The following PPFIA3 variants were observed in gnomAD, a reference collection of about 807,000 sequenced individuals.
PPFIA3 encodes the protein PPFI scaffold protein A3, also known as liprin-alpha-3.
Under a neutral mutation model 145.8 loss-of-function variants are expected in PPFIA3, and 26 were observed. The observed-to-expected ratio is 0.18, with a 90% CI of 0.13 to 0.25. PPFIA3 has a LOEUF of 0.25. Among genes scored for constraint, PPFIA3 ranks in the 10% least tolerant of loss-of-function variants. The probability of loss-of-function intolerance (pLI) is 1.00; values close to 1 mark genes in which losing one functional copy is unlikely to be tolerated. For missense variants in PPFIA3, 1,008 were observed against 1,587.8 expected, an observed-to-expected ratio of 0.63 and a Z score of 6.21; for synonymous variants, 645 against 661.4, an observed-to-expected ratio of 0.98 and a Z score of 0.38.
intron 1 of PPFIA3, among the ~76,000 whole-genome samples, 183 bp downstream of exon 1, chr19:49,119,905 C>A (rs941758991): frequency 6.6e-6 from 1 of 151,848 alleles, no homozygotes; most frequent in African/African-American, 2.4e-5. Flanking sequence ...CCCGACCGAA[C>A]CCTAGAATCC....
At chr19:49,121,918 T>C (rs544946187) in intron 1 of PPFIA3, among the ~76,000 whole-genome samples, 63 of 151,788 alleles carry the variant, frequency 4.2e-4, no homozygotes, top group African/African-American at 1.4e-3. Context: ...ATTACAGGCA[T>C]GGCCATCGCG....
At position 49,134,162 on chromosome 19, in the gene PPFIA3, G is replaced by A. The variant is rs1184277028; in HGVS notation, c.1374G>A (p.Glu458=). 1.2e-6 allele frequency: 2 copies of A among 1,609,102 alleles called. No individual in the cohort carries two copies. The highest frequency in any genetic ancestry group is 2.2e-5 in the South Asian group (2 of 90,560). The change falls in exon 11 of 30, where the codon GAG becomes GAA. Residue 458 remains glutamate, a synonymous_variant. Transcript: ENST00000334186. ...HLKERMGALE[E]KNSLSEEIAN... ...AGGAGCGCATGGGGGCGCTGGAGGAGAAGGTGCGCCCCCCATACAGGACTG... is the reference window on the plus strand; with the variant it reads ...AGGAGCGCATGGGGGCGCTGGAGGAAAAGGTGCGCCCCCCATACAGGACTG...
chr19:49,138,518 C>A, intron 16 of PPFIA3, 91 bp downstream of exon 16: 1 of 1,128,590 alleles, frequency 8.9e-7, no homozygotes, highest in Non-Finnish European at 1.2e-6. Flanking sequence ...TAACCCCTCA[C>A]ACCAGTGGTT....
In PPFIA3 at chr19:49,149,895, T is replaced by C. The variant is rs926015422; in HGVS notation, c.3526+177T>C. 3.6e-6 allele frequency: 4 copies of C among 1,098,784 alleles called. No homozygotes were observed. Among genetic ancestry groups the C allele is most frequent in the African/African-American group, 1.6e-5 (1 of 63,504 alleles). The allele number at this position is 1,098,784 out of a possible 1,614,324, so 68.1% of individuals were successfully genotyped here. On this transcript the variant is annotated intron_variant, in intron 28 of 29. Coordinates refer to ENST00000334186, the MANE Select transcript of PPFIA3 (RefSeq NM_003660.4). This position sits in a 1 kb window ranked among gnomAD's most constrained non-coding sequence, Gnocchi z 5.7. ...TGAAATGGATAAATCCCACTCCCCC[T>C]TCCCAGGGCGGGAGTGAACTCGCCC...
At chr19:49,132,557 G>A (rs1200749380) in intron 7 of PPFIA3, among the ~76,000 whole-genome samples, 1 of 152,072 alleles carries the variant, frequency 6.6e-6, no homozygotes, top group East Asian at 1.9e-4. Flanking sequence ...TTCTTTTGGG[G>A]TTCTAGGCCT....
chr19:49,136,414 T>A (rs1309450449), intron 14 of PPFIA3, among the ~76,000 whole-genome samples: 4 of 152,022 alleles, frequency 2.6e-5, no homozygotes, highest in African/African-American at 4.8e-5. Context: ...CTTGCCAAAA[T>A]GGCATCGCTA....
chr19:49,131,571 A>G (rs2041073256), intron 7 of PPFIA3, among the ~76,000 whole-genome samples: 1 of 151,896 alleles, frequency 6.6e-6, no homozygotes, highest in African/African-American at 2.4e-5. Context: ...CTGCTGGGAA[A>G]TGTGGACCTG....
At position 49,134,683 on chromosome 19, in the gene PPFIA3, T is replaced by A; in HGVS notation, c.1422T>A (p.Asp474Glu). Residue 474 changes from aspartate to glutamate, a missense_variant, in exon 12 of 30, where the codon GAT becomes GAA. Physicochemically the swap from Asp to Glu is conservative, Grantham distance 45 (BLOSUM62 2). Transcript: ENST00000334186. ...EEIANMKKLQ[D>E]ELLLNKEQLL... ...TAGCCAACATGAAGAAGCTTCAGGATGAGTTGCTGCTAAACAAGGTAGGGG... is the reference window on the plus strand; with the variant it reads ...TAGCCAACATGAAGAAGCTTCAGGAAGAGTTGCTGCTAAACAAGGTAGGGG... The A allele has an allele frequency of 6.2e-7, 1 of 1,613,892 alleles. No individual in the cohort carries two copies. Among genetic ancestry groups the A allele is most frequent in the Non-Finnish European group, 8.5e-7 (1 of 1,179,890 alleles).
chr19:49,143,392 GAC>G (rs922362636), intron 21 of PPFIA3, among the ~76,000 whole-genome samples: 7 of 151,422 alleles, frequency 4.6e-5, no homozygotes, highest in African/African-American at 1.7e-4. Flanking sequence ...TTTTTTTGGA[GAC>G]AGAGTTTCGC....
At position 49,136,806 on chromosome 19, in the gene PPFIA3, AG is replaced by A; in HGVS notation, c.1752del (p.Met585CysfsTer35). 1 of 1,594,086 alleles carries A rather than the reference AG, an allele frequency of 6.3e-7. No homozygotes were observed. Among genetic ancestry groups the A allele is most frequent in the Non-Finnish European group, 8.5e-7 (1 of 1,170,584 alleles). Reference protein sequence around the residue: ...ELDGSDEEEAEGMFGAELLSP... With the variant: ...ELDGSDEEEAXGMFGAELLSP... ...GACGGCTCCGATGAGGAGGAGGCAG[AG>A]GGGATGTTTGGGGCCGAGCTGCTGT... On this transcript the variant is annotated frameshift_variant, in exon 15 of 30. Transcript: ENST00000334186. LOFTEE classifies it high-confidence loss of function.
At chr19:49,131,479 G>A (rs868684522) in intron 7 of PPFIA3, among the ~76,000 whole-genome samples, 7 of 151,624 alleles carry the variant, frequency 4.6e-5, no homozygotes, top group Non-Finnish European at 1.0e-4. Flanking sequence ...ACTGCGTCCA[G>A]CCTCTAAATG....
At chr19:49,131,781 C>T (rs775841282) in intron 7 of PPFIA3, among the ~76,000 whole-genome samples, 4 of 151,404 alleles carry the variant, frequency 2.6e-5, no homozygotes, top group Admixed American at 6.6e-5. Flanking sequence ...GAGGCCGAGG[C>T]GGGCGGATCA....
In PPFIA3 at chr19:49,147,989, A is replaced by T. The variant is rs2041300165; in HGVS notation, c.2836-94A>T. 5.9e-6 allele frequency: 8 copies of T among 1,354,552 alleles called. No homozygotes were observed. The Admixed American group carries it at 1.8e-4, about 31-fold the overall frequency. 83.9% of individuals were successfully genotyped at this position (1,354,552 alleles called of 1,614,324 possible). On this transcript the variant is annotated intron_variant, in intron 23 of 29. Coordinates refer to ENST00000334186, the MANE Select transcript of PPFIA3 (RefSeq NM_003660.4). ...ATTGTCCTACCATGGGGTGGGAAAA[A>T]ACCTTGGATTGGGAGGTTGGACTGT...
At chr19:49,141,975 C>A in intron 19 of PPFIA3, 59 bp from the exon 20 acceptor site, 1 of 1,394,954 alleles carries the variant, frequency 7.2e-7, no homozygotes, top group Non-Finnish European at 9.9e-7. Flanking sequence ...GGGGGCCATC[C>A]ACAGAGCAGG....
In PPFIA3 at chr19:49,130,513, C is replaced by A. The variant is rs1416666584; in HGVS notation, c.793C>A (p.Gln265Lys). 1 of 1,594,364 alleles carries A rather than the reference C, an allele frequency of 6.3e-7. No homozygotes were observed. The highest frequency in any genetic ancestry group is 8.5e-7 in the Non-Finnish European group (1 of 1,171,406). ...RLAVLCRQMS[Q>K]LEEELGTAHR... The stretch of plus-strand genomic sequence containing the variant: ...GGCGGTGCTGTGCCGTCAGATGAGC[C>A]AGCTGGAGGAGGAGTTGGGCACCGC... The change falls in exon 7 of 30, where the codon CAG becomes AAG. Residue 265 changes from glutamine to lysine, a missense_variant. Coordinates refer to ENST00000334186, the MANE Select transcript of PPFIA3 (RefSeq NM_003660.4). This position sits in a 1 kb window ranked among gnomAD's most constrained non-coding sequence, Gnocchi z 4.5.
At chr19:49,148,046 A>G in intron 23 of PPFIA3, 37 bp from the exon 24 acceptor site, 1 of 1,584,766 alleles carries the variant, frequency 6.3e-7, no homozygotes, top group Non-Finnish European at 8.6e-7. Flanking sequence ...AAGGGGCCAG[A>G]GGGCCTGACT....
chr19:49,144,559 C>T (rs2041259224), intron 21 of PPFIA3, among the ~76,000 whole-genome samples: 1 of 151,948 alleles, frequency 6.6e-6, no homozygotes, highest in African/African-American at 2.4e-5. Context: ...ACTAAAAATA[C>T]AAAAATTAGT....
At chr19:49,137,255 C>T (rs1391653026) in intron 15 of PPFIA3, 3 of 205,894 alleles carry the variant, frequency 1.5e-5, no homozygotes, top group Non-Finnish European at 2.9e-5. Context: ...CTCCCACTAC[C>T]CTAGGAATCT....
intron 14 of PPFIA3, among the ~76,000 whole-genome samples, chr19:49,136,457 C>T (rs1221196596): frequency 1.3e-5 from 2 of 152,110 alleles, no homozygotes; most frequent in South Asian, 2.1e-4. Flanking sequence ...GGCGTGGTAG[C>T]GGGCGCCTGT....
Sources: gnomAD v4.1 joint callset for allele counts (sites outside exome capture counted in the v4.1 genomes callset) on GRCh38, gnomAD v4.1.1 for gene constraint, Gnocchi (gnomAD v3.1) non-coding constraint, MANE v1.5 for transcripts, NCBI Gene and HGNC (gene_info 2026-07-23, HGNC 2026-07-21) for gene names.